Variants in CHRM3 observed in about 807,000 individuals in gnomAD.
CHRM3 encodes muscarinic acetylcholine receptor M3.
Under a neutral mutation model 41.8 loss-of-function variants are expected in CHRM3, and 11 were observed. The ratio of observed to expected loss-of-function variants is 0.26; its 90% CI spans 0.17 to 0.44. The LOEUF (loss-of-function observed/expected upper bound fraction) is 0.44. CHRM3 is among the 20% of genes least tolerant of loss of function. The pLI is 1.00. For missense variants in CHRM3, 571 were observed against 745.4 expected, an observed-to-expected ratio of 0.77 and a Z score of 2.72; for synonymous variants, 297 against 301.4, an observed-to-expected ratio of 0.99 and a Z score of 0.15.
rs367625725 is a variant in CHRM3 at position 239,662,989 on chromosome 1, T to A, written c.-249-15197T>A. Among the ~76,000 whole-genome samples the A allele has an allele frequency of 1.5e-4, 22 of 144,230 alleles. No individual in the cohort carries two copies. In the South Asian group the frequency reaches 5.0e-3, roughly 32 times the overall value. The allele number at this position is 144,230 out of a possible 152,430, so 94.6% of individuals were successfully genotyped here. ...CCTTCTCCTCTCTTCCTTCCTTCCT[T>A]GTCCTTCTCCTTCTTCTTTCTCTTC... On this transcript the variant is annotated intron_variant, in intron 4 of 6. Coordinates refer to ENST00000676153, the MANE Select transcript of CHRM3 (RefSeq NM_001375978.1).
intron 1 of CHRM3, among the ~76,000 whole-genome samples, chr1:239,444,170 G>A (rs1663949306): frequency 6.6e-6 from 1 of 152,130 alleles, no homozygotes; most frequent in African/African-American, 2.4e-5. Flanking sequence ...GAGGCTGGCT[G>A]TGGGTCTTTG....
chr1:239,760,284 T>G (rs899616488), intron 5 of CHRM3, among the ~76,000 whole-genome samples: 1 of 152,168 alleles, frequency 6.6e-6, no homozygotes, highest in Non-Finnish European at 1.5e-5. Context: ...GTCTCCGCAG[T>G]GGGTTCTCCA....
At chr1:239,594,201 A>G (rs1283062772) in intron 3 of CHRM3, among the ~76,000 whole-genome samples, 1 of 152,242 alleles carries the variant, frequency 6.6e-6, no homozygotes, top group African/African-American at 2.4e-5. Flanking sequence ...TCAGTAAGAG[A>G]ACAAAGCTGC....
chr1:239,531,085 G>A (rs1558294578), intron 2 of CHRM3, among the ~76,000 whole-genome samples: 1 of 152,172 alleles, frequency 6.6e-6, no homozygotes, highest in East Asian at 1.9e-4. Flanking sequence ...AAATTAAAAT[G>A]TTTATTAGAG....
chr1:239,684,782 GAAAA>G (rs1658968868), intron 5 of CHRM3, among the ~76,000 whole-genome samples: 1 of 151,112 alleles, frequency 6.6e-6, no homozygotes, highest in Non-Finnish European at 1.5e-5. Flanking sequence ...GAAAGAGAAA[GAAAA>G]GAGAAGAGAA....
rs113660167 is a variant in CHRM3 at position 239,901,616 on chromosome 1, G to A, written c.-19-5817G>A. Among the ~76,000 whole-genome samples the A allele has an allele frequency of 4.0e-3, 601 of 152,056 alleles. 7 individuals are homozygous for A. Among genetic ancestry groups the A allele is most frequent in the African/African-American group, 0.013 (545 of 41,478 alleles). On this transcript the variant is annotated intron_variant, in intron 6 of 6. Coordinates refer to ENST00000676153, the MANE Select transcript of CHRM3 (RefSeq NM_001375978.1). ...AACTAAATTTTATCGTGTTGTATTT[G>A]TCATCCCACAACTTGCCTTTCTTAC...
rs539320071 is a variant in CHRM3, at chr1:239,617,378, C to T, written c.-312-14846C>T. On this transcript the variant is annotated intron_variant, in intron 3 of 6. Coordinates refer to ENST00000676153, the MANE Select transcript of CHRM3 (RefSeq NM_001375978.1). ...CTACTCTAAACCCTATCATCTTAGT[C>T]ACTTATCAGTTAAAATCCAGACAGT... Among the ~76,000 whole-genome samples, 31 of 152,260 alleles carry T rather than the reference C, an allele frequency of 2.0e-4. No individual in the cohort carries two copies. The South Asian group carries it at 6.0e-3, about 30-fold the overall frequency.
At chr1:239,717,955 T>C (rs182877900) in intron 5 of CHRM3, among the ~76,000 whole-genome samples, 1 of 152,210 alleles carries the variant, frequency 6.6e-6, no homozygotes, top group East Asian at 1.9e-4. Flanking sequence ...TCTATTTGTC[T>C]ACTTCATTGA....
intron 2 of CHRM3, among the ~76,000 whole-genome samples, chr1:239,518,816 T>A (rs1233810157): frequency 6.6e-6 from 1 of 152,188 alleles, no homozygotes; most frequent in Non-Finnish European, 1.5e-5. Flanking sequence ...CCATCCCTTC[T>A]CCTCCTGAAT....
At chr1:239,871,636 T>C (rs936164174) in intron 6 of CHRM3, among the ~76,000 whole-genome samples, 1 of 152,176 alleles carries the variant, frequency 6.6e-6, no homozygotes, top group African/African-American at 2.4e-5. Flanking sequence ...TGTTTCTTCT[T>C]CCCTCTGTTT....
intron 3 of CHRM3, among the ~76,000 whole-genome samples, chr1:239,620,805 A>G (rs1558386292): frequency 6.6e-6 from 1 of 152,174 alleles, no homozygotes. Flanking sequence ...ACTCTCTCTT[A>G]CAAAGAGAGA....
At chr1:239,574,302 T>A (rs1433414778) in intron 3 of CHRM3, among the ~76,000 whole-genome samples, 1 of 152,122 alleles carries the variant, frequency 6.6e-6, no homozygotes, top group African/African-American at 2.4e-5. Context: ...CAGCATGGTT[T>A]GGATGTTCAT....
chr1:239,645,399 T>A (rs547870930), intron 4 of CHRM3, among the ~76,000 whole-genome samples: 66 of 152,350 alleles, frequency 4.3e-4, no homozygotes, highest in African/African-American at 1.5e-3. Flanking sequence ...TTGTAGTACA[T>A]TATATGATCA....
At chr1:239,396,848 G>C (rs1659527171) in intron 1 of CHRM3, among the ~76,000 whole-genome samples, 2 of 152,118 alleles carry the variant, frequency 1.3e-5, no homozygotes, top group Non-Finnish European at 2.9e-5. Context: ...ATAGACTCTT[G>C]CAACTTGACT....
chr1:239,895,157 G>A (rs1024812562), intron 6 of CHRM3, among the ~76,000 whole-genome samples: 2 of 152,246 alleles, frequency 1.3e-5, no homozygotes, highest in African/African-American at 4.8e-5. Flanking sequence ...AGCAGTAGAG[G>A]TTGAAGCAGT....
chr1:239,554,831 G>A (rs1434469036), intron 3 of CHRM3, among the ~76,000 whole-genome samples: 1 of 149,268 alleles, frequency 6.7e-6, no homozygotes, highest in Non-Finnish European at 1.5e-5. Flanking sequence ...CCATGTTCAA[G>A]CAATTCTCCT....
intron 4 of CHRM3, among the ~76,000 whole-genome samples, chr1:239,666,026 T>G (rs1673763253): frequency 6.6e-6 from 1 of 152,290 alleles, no homozygotes; most frequent in Admixed American, 6.5e-5. Context: ...CCTTTGGGTA[T>G]ATAACCCAGC....
intron 5 of CHRM3, among the ~76,000 whole-genome samples, chr1:239,735,654 C>T (rs554552576): frequency 6.6e-6 from 1 of 152,160 alleles, no homozygotes; most frequent in South Asian, 2.1e-4. Flanking sequence ...TTTTGCTGAC[C>T]ATCTGTAGTA....
intron 3 of CHRM3, among the ~76,000 whole-genome samples, chr1:239,583,562 T>C (rs960675300): frequency 3.3e-5 from 5 of 152,088 alleles, no homozygotes; most frequent in Non-Finnish European, 7.4e-5. Context: ...GTCTAAGAAT[T>C]TATTCTTGCT....
Sources: allele counts gnomAD v4.1 joint callset (sites outside exome capture counted in the v4.1 genomes callset), GRCh38; gene constraint gnomAD v4.1.1; transcripts MANE v1.5; gene names NCBI Gene and HGNC (gene_info 2026-07-23, HGNC 2026-07-21).